The following LRRTM4 variants were observed in gnomAD, a reference collection of about 807,000 sequenced individuals.
The protein encoded by LRRTM4 is leucine rich repeat transmembrane neuronal 4.
Under a neutral mutation model 47.6 loss-of-function variants are expected in LRRTM4, and 25 were observed. The ratio of observed to expected loss-of-function variants is 0.53; its 90% CI spans 0.38 to 0.73. The LOEUF (loss-of-function observed/expected upper bound fraction) is 0.73, where lower values mean the gene tolerates loss of function less well. LRRTM4 is among the 30% of genes least tolerant of loss of function. The pLI is 0.00. For missense variants in LRRTM4, 638 were observed against 713.4 expected, an observed-to-expected ratio of 0.89 and a Z score of 1.20; for synonymous variants, 311 against 269.5, an observed-to-expected ratio of 1.15 and a Z score of -1.51.
intron 3 of LRRTM4, among the ~76,000 whole-genome samples, chr2:77,467,711 A>T (rs1248340133): frequency 6.6e-6 from 1 of 152,308 alleles, no homozygotes; most frequent in South Asian, 2.1e-4. Context: ...AACACAATTT[A>T]AAGTTACATT....
intron 3 of LRRTM4, among the ~76,000 whole-genome samples, chr2:77,124,432 CA>C (rs1326710813): frequency 6.6e-6 from 1 of 152,072 alleles, no homozygotes; most frequent in African/African-American, 2.4e-5. Context: ...CCGCCAAATT[CA>C]AGACAAAATT....
At chr2:77,257,777 T>G (rs13395458) in intron 3 of LRRTM4, among the ~76,000 whole-genome samples, 18,580 of 150,222 alleles carry the variant, frequency 0.12, 3,818 homozygotes, top group African/African-American at 0.43. Flanking sequence ...AGAAAAACAT[T>G]AAGTGACATT....
At chr2:76,821,178 T>C (rs1671043856) in intron 3 of LRRTM4, among the ~76,000 whole-genome samples, 1 of 151,664 alleles carries the variant, frequency 6.6e-6, no homozygotes, top group South Asian at 2.1e-4. Context: ...AAATGTGGCA[T>C]ATAATGTGTG....
intron 3 of LRRTM4, among the ~76,000 whole-genome samples, chr2:76,785,065 G>C (rs569962178): frequency 1.3e-5 from 2 of 151,986 alleles, no homozygotes; most frequent in East Asian, 1.9e-4. Context: ...ATTGAATCTA[G>C]TCTGCAATAA....
intron 3 of LRRTM4, among the ~76,000 whole-genome samples, chr2:76,978,082 C>G (rs1250130047): frequency 6.6e-6 from 1 of 151,984 alleles, no homozygotes; most frequent in Non-Finnish European, 1.5e-5. Context: ...TTATCTGGCT[C>G]TGCTCACACA....
At chr2:77,143,264 T>G (rs1672173346) in intron 3 of LRRTM4, among the ~76,000 whole-genome samples, 1 of 152,200 alleles carries the variant, frequency 6.6e-6, no homozygotes, top group African/African-American at 2.4e-5. Context: ...ATTTTGATTG[T>G]AATTATTTTG....
chr2:77,317,288 T>A (rs1361208772), intron 3 of LRRTM4, among the ~76,000 whole-genome samples: 1 of 152,202 alleles, frequency 6.6e-6, no homozygotes, highest in Non-Finnish European at 1.5e-5. Context: ...ACAAATAATG[T>A]GAATATAATC....
At chr2:76,996,052 C>T (rs1029725078) in intron 3 of LRRTM4, among the ~76,000 whole-genome samples, 3 of 150,874 alleles carry the variant, frequency 2.0e-5, no homozygotes, top group Non-Finnish European at 3.0e-5. Context: ...ATAAGAAGAT[C>T]GTAAATCACC....
At chr2:77,351,888 G>A (rs1220834831) in intron 3 of LRRTM4, among the ~76,000 whole-genome samples, 3 of 152,180 alleles carry the variant, frequency 2.0e-5, no homozygotes, top group African/African-American at 7.2e-5. Flanking sequence ...AACAATTACT[G>A]TGAAATGTAT....
chr2:77,070,827 C>T lies in LRRTM4; in HGVS notation c.1552-321911G>A, dbSNP rs141220734. 9.7e-4 allele frequency among the ~76,000 whole-genome samples: 147 copies of T among 152,260 alleles called. 2 individuals are homozygous for T. In the East Asian group the frequency reaches 0.027, roughly 28 times the overall value. Reference sequence around the variant, plus strand: ...TGTATTATTAGTAGAGACGGGGTTTCACCATGTTGGCCAGGCTGGTCTCGA... The same window carrying T: ...TGTATTATTAGTAGAGACGGGGTTTTACCATGTTGGCCAGGCTGGTCTCGA... On this transcript the variant is annotated intron_variant, in intron 3 of 3. Transcript: ENST00000409884.
chr2:77,496,809 G>C (rs1178815721), intron 3 of LRRTM4, among the ~76,000 whole-genome samples: 2 of 151,528 alleles, frequency 1.3e-5, no homozygotes, highest in African/African-American at 2.4e-5. Context: ...TCTTGAATGA[G>C]TTGGAACGTG....
chr2:76,889,456 G>A (rs974972103), intron 3 of LRRTM4, among the ~76,000 whole-genome samples: 5 of 151,840 alleles, frequency 3.3e-5, no homozygotes, highest in African/African-American at 1.2e-4. Context: ...GAAAAATAAA[G>A]TATCCCTTCC....
In LRRTM4 at chr2:77,121,116, A is replaced by G. The variant is rs180884085; in HGVS notation, c.1552-372200T>C. Among the ~76,000 whole-genome samples, 122 of 151,968 alleles carry G rather than the reference A, an allele frequency of 8.0e-4. 1 individual carries two copies. Among genetic ancestry groups the G allele is most frequent in the Non-Finnish European group, 1.3e-3 (89 of 67,780 alleles). On this transcript the variant is annotated intron_variant, in intron 3 of 3. Transcript: ENST00000409884. Reference sequence around the variant, plus strand: ...GCTCTCATGTCTAGATAAAAGAATTAGTTTTTTGGGGGAATAGGGAGAAAA... The same window carrying G: ...GCTCTCATGTCTAGATAAAAGAATTGGTTTTTTGGGGGAATAGGGAGAAAA...
intron 3 of LRRTM4, among the ~76,000 whole-genome samples, chr2:77,418,375 ATGTT>A (rs1674730381): frequency 6.6e-6 from 1 of 152,192 alleles, no homozygotes; most frequent in South Asian, 2.1e-4. Flanking sequence ...GAAAAATAAT[ATGTT>A]TGTATATCAA....
At chr2:76,802,194 AGAC>A (rs1288392382) in intron 3 of LRRTM4, among the ~76,000 whole-genome samples, 1 of 151,482 alleles carries the variant, frequency 6.6e-6, no homozygotes, top group African/African-American at 2.4e-5. Context: ...CCCTATTGTC[AGAC>A]GACATGATCT....
intron 3 of LRRTM4, among the ~76,000 whole-genome samples, chr2:76,932,360 C>G (rs1248724719): frequency 6.6e-6 from 1 of 152,078 alleles, no homozygotes; most frequent in Non-Finnish European, 1.5e-5. Context: ...CTCCTTGTCT[C>G]CTTCTTTCCC....
At chr2:77,161,932 A>T (rs1036614129) in intron 3 of LRRTM4, among the ~76,000 whole-genome samples, 1 of 152,168 alleles carries the variant, frequency 6.6e-6, no homozygotes, top group Non-Finnish European at 1.5e-5. Context: ...GAATAGGAAT[A>T]GCTCCAGTCT....
chr2:77,011,420 C>T (rs952736894), intron 3 of LRRTM4, among the ~76,000 whole-genome samples: 1 of 151,962 alleles, frequency 6.6e-6, no homozygotes, highest in Non-Finnish European at 1.5e-5. Context: ...TTAGATTTTA[C>T]ACCATTATTG....
intron 3 of LRRTM4, among the ~76,000 whole-genome samples, chr2:77,100,277 C>G (rs1670918630): frequency 6.6e-6 from 1 of 152,144 alleles, no homozygotes; most frequent in Admixed American, 6.6e-5. Flanking sequence ...ACTCATAATA[C>G]CTTGACATAC....
Sources: allele counts gnomAD v4.1 joint callset (sites outside exome capture counted in the v4.1 genomes callset), GRCh38; gene constraint gnomAD v4.1.1; transcripts MANE v1.5; gene names NCBI Gene and HGNC (gene_info 2026-07-23, HGNC 2026-07-21).